STXBP2: variants seen among roughly 807,000 people sequenced by gnomAD.
STXBP2 encodes syntaxin binding protein 2.
In STXBP2, 47 loss-of-function variants were observed where a neutral mutation model predicts 72.2. The observed-to-expected ratio is 0.65, with a 90% confidence interval of 0.51 to 0.83. STXBP2 has a LOEUF of 0.83. Ranked by LOEUF, STXBP2 falls within the 40% of genes least tolerant of loss-of-function variation. STXBP2 has a pLI of 0.00. For missense variants in STXBP2, 702 were observed against 807.6 expected (o/e 0.87, Z 1.58); for synonymous variants, 367 against 338.7 (o/e 1.08, Z -0.92).
the STXBP2 span, chr19:7,631,399 C>CGGGG: frequency 3.3e-5 from 19 of 584,062 alleles, no homozygotes; most frequent in African/African-American, 6.0e-4. Flanking sequence ...GAGAGGTGGG[C>CGGGG]GGGGGGGGGT....
At chr19:7,634,067 GCCCCAGA>G (rs1305623201), upstream of STXBP2, among the ~76,000 whole-genome samples, 4 of 152,082 alleles carry the variant, frequency 2.6e-5, no homozygotes, top group African/African-American at 9.7e-5. Context: ...CTGGTTGCCT[GCCCCAGA>G]CCCCAAAACA....
the STXBP2 span, chr19:7,631,724 TC>T: frequency 6.9e-7 from 1 of 1,446,594 alleles, no homozygotes; most frequent in African/African-American, 1.5e-5. Flanking sequence ...GGGCTGCTGT[TC>T]CGACGGAAGC....
upstream of STXBP2, chr19:7,632,425 T>C: frequency 6.2e-7 from 1 of 1,613,970 alleles, no homozygotes; most frequent in Non-Finnish European, 8.5e-7. The surrounding 1 kb of genome is among the most constrained non-coding windows in gnomAD (Gnocchi z 5.2). Flanking sequence ...CCGGGCAGGC[T>C]GCTGACTGTC....
rs1353855735 is a variant in STXBP2, at chr19:7,642,503, A to G, written c.869A>G (p.Glu290Gly). 2.2e-5 allele frequency: 36 copies of G among 1,613,870 alleles called. No homozygotes were observed. The highest frequency in any genetic ancestry group is 2.9e-5 in the Non-Finnish European group (34 of 1,180,012). ...LLDEDDDLWV[E>G]LRHMHIADVS... The stretch of plus-strand genomic sequence containing the variant: ...GACGAGGACGATGACTTGTGGGTGG[A>G]GCTTCGCCACATGCATATCGCAGAT... The change falls in exon 10 of 19, where the codon GAG (glutamate) becomes GGG (glycine). Residue 290 changes from glutamate to glycine, a missense_variant. Transcript: ENST00000221283. This position sits in a 1 kb window ranked among gnomAD's most constrained non-coding sequence, Gnocchi z 6.0.
rs2032150802 is a variant in STXBP2, at chr19:7,646,659, G to A, written c.1452+315G>A. 6.3e-6 allele frequency: 3 copies of A among 475,222 alleles called. No individual in the cohort carries two copies. The Middle Eastern group carries it at 1.8e-3, about 287-fold the overall frequency. 29.4% of individuals were successfully genotyped at this position (475,222 alleles called of 1,614,324 possible). A position where few individuals can be genotyped will look rare whatever the true frequency, so the allele number is the denominator to read the frequency against. Reference sequence around the variant, plus strand: ...GCCCTGGCCTTCCCAGGATCCCAGGGCAGCACCATCCAATGGCAATGGGCC... The same window carrying A: ...GCCCTGGCCTTCCCAGGATCCCAGGACAGCACCATCCAATGGCAATGGGCC... On this transcript the variant is annotated intron_variant, in intron 16 of 18. Transcript: ENST00000221283.
At position 7,637,681 on chromosome 19, in the gene STXBP2, T is replaced by C. The variant is rs190059755; in HGVS notation, c.37+495T>C. On this transcript the variant is annotated intron_variant, in intron 1 of 18. Transcript: ENST00000221283. Reference sequence around the variant, plus strand: ...CCCATTTCCAGGAGCGCCTTGCAGCTGGAGGACGCAGGCGTCCAGGCCTCA... The same window carrying C: ...CCCATTTCCAGGAGCGCCTTGCAGCCGGAGGACGCAGGCGTCCAGGCCTCA... Among the ~76,000 whole-genome samples the C allele has an allele frequency of 6.4e-3, 973 of 152,194 alleles. 5 individuals carry two copies. The highest frequency in any genetic ancestry group is 9.9e-3 in the Non-Finnish European group (671 of 67,978).
upstream of STXBP2, among the ~76,000 whole-genome samples, chr19:7,634,155 C>T (rs950004178): frequency 1.3e-5 from 2 of 152,216 alleles, no homozygotes; most frequent in Non-Finnish European, 2.9e-5. Flanking sequence ...CCTCTATCAC[C>T]CTAGCCCCAG....
At chr19:7,632,294 G>A, upstream of STXBP2, 4 of 1,539,152 alleles carry the variant, frequency 2.6e-6, no homozygotes, top group Non-Finnish European at 3.5e-6. This position sits in a 1 kb window ranked among gnomAD's most constrained non-coding sequence, Gnocchi z 5.2. Context: ...GATGGACAGA[G>A]ATGGGGCAGG....
intron 16 of STXBP2, chr19:7,646,629 C>G: frequency 1.9e-6 from 1 of 516,908 alleles, no homozygotes. Flanking sequence ...TGCCCCTGAG[C>G]CCCAGCCCTG....
chr19:7,647,548 T>G lies in STXBP2; in HGVS notation c.1696+37T>G, dbSNP rs533918030. ...GGACTGGGACCCTGGGGTCTGGGGC[T>G]TGGGTTCCCGGGGCCTGGGCTTGTA... On this transcript the variant is annotated intron_variant, in intron 18 of 18. Transcript: ENST00000221283. 1.2e-4 allele frequency: 189 copies of G among 1,571,906 alleles called. 2 individuals carry two copies. The South Asian group carries it at 2.0e-3, about 17-fold the overall frequency.
At chr19:7,634,148 C>G (rs2031443515), upstream of STXBP2, among the ~76,000 whole-genome samples, 1 of 152,206 alleles carries the variant, frequency 6.6e-6, no homozygotes, top group African/African-American at 2.4e-5. Context: ...CTCCTCTCCT[C>G]TATCACCCTA....
At chr19:7,637,964 G>A (rs1295816521) in intron 1 of STXBP2, among the ~76,000 whole-genome samples, 4 of 152,368 alleles carry the variant, frequency 2.6e-5, no homozygotes, top group South Asian at 2.1e-4. Flanking sequence ...GAGACCGGAG[G>A]TCAGTGGGAT....
chr19:7,644,705 C>A lies in STXBP2; in HGVS notation c.1199C>A (p.Ala400Asp). 6.2e-7 allele frequency: 1 copy of A among 1,613,752 alleles called. No individual in the cohort carries two copies. The highest frequency in any genetic ancestry group is 8.5e-7 in the Non-Finnish European group (1 of 1,179,848). Residue 400 changes from alanine (A) to aspartate (D), a missense_variant, in exon 14 of 19, where the codon GCC (alanine) becomes GAC (aspartate). By Grantham distance (126) the Ala-to-Asp change is moderately radical. Transcript: ENST00000221283. ...GTGCTGCTGGACGCGGCGGTGCCCG[C>A]CTACGACAAGATCCGGGTCCTGCTG... ...VPVLLDAAVP[A>D]YDKIRVLLLY...
In STXBP2 at chr19:7,639,770, G is replaced by C; in HGVS notation, c.209G>C (p.Ser70Thr). 1 of 1,613,804 alleles carries C rather than the reference G, an allele frequency of 6.2e-7. No individual in the cohort carries two copies. Among genetic ancestry groups the C allele is most frequent in the Non-Finnish European group, 8.5e-7 (1 of 1,180,008 alleles). ...DINKRREPIP[S>T]LEAIYLLSPT... Reference sequence around the variant, plus strand: ...AACAAACGGCGGGAACCCATTCCCAGTCTGGAGGCCATTTATTTGCTGAGC... The same window carrying C: ...AACAAACGGCGGGAACCCATTCCCACTCTGGAGGCCATTTATTTGCTGAGC... The change falls in exon 4 of 19, where the codon AGT (serine) becomes ACT (threonine). Residue 70 changes from serine (S) to threonine (T), a missense_variant. By Grantham distance (58) the Ser-to-Thr change is moderately conservative. Transcript: ENST00000221283.
intron 18 of STXBP2, 21 bp from the exon 19 acceptor site, chr19:7,647,704 C>G: frequency 6.2e-7 from 1 of 1,613,748 alleles, no homozygotes; most frequent in Non-Finnish European, 8.5e-7. Context: ...ACATCTTCCC[C>G]AAACCTCTGC....
intron 4 of STXBP2, chr19:7,640,509 T>C (rs751011170): frequency 4.9e-6 from 3 of 609,206 alleles, no homozygotes; most frequent in East Asian, 5.4e-5. Context: ...TCTGTGTGTG[T>C]GTGCATGTGT....
intron 2 of STXBP2, 78 bp downstream of exon 2, chr19:7,638,853 C>A (rs1599389210): frequency 6.3e-7 from 1 of 1,598,574 alleles, no homozygotes; most frequent in East Asian, 2.2e-5. Flanking sequence ...AATGTGGGAC[C>A]CCCAAGAACT....
chr19:7,641,118 G>T, intron 6 of STXBP2, 115 bp downstream of exon 6: 4 of 1,100,472 alleles, frequency 3.6e-6, no homozygotes, highest in Non-Finnish European at 4.0e-6. Flanking sequence ...TAATCCCAGC[G>T]CTGTGGGAGG....
Position 7,643,170 on chromosome 19 carries a change from T to C in STXBP2, c.1032T>C (p.Ser344=). Reference sequence around the variant, plus strand: ...CCCCACCCTGCACCCTGCAGTATTCTACGCACCTGCATCTAGCAGATGATT... The same window carrying C: ...CCCCACCCTGCACCCTGCAGTATTCCACGCACCTGCATCTAGCAGATGATT... ...PQYQKELNKY[S]THLHLADDCM... is the part of the protein sequence containing the mutation. The change falls in exon 13 of 19, where the codon TCT becomes TCC. Residue 344 remains serine, a synonymous_variant. Coordinates refer to ENST00000221283, the MANE Select transcript of STXBP2 (RefSeq NM_006949.4). The C allele has an allele frequency of 4.3e-6, 7 of 1,613,994 alleles. No individual in the cohort carries two copies. Among genetic ancestry groups the C allele is most frequent in the Non-Finnish European group, 5.9e-6 (7 of 1,179,998 alleles).
Sources: gnomAD v4.1 joint callset for allele counts (sites outside exome capture counted in the v4.1 genomes callset) on GRCh38, gnomAD v4.1.1 for gene constraint, Gnocchi (gnomAD v3.1) non-coding constraint, MANE v1.5 for transcripts, NCBI Gene and HGNC (gene_info 2026-07-23, HGNC 2026-07-21) for gene names.